The following PIK3R5 variants were observed in gnomAD, a reference collection of about 807,000 sequenced individuals.
The protein encoded by PIK3R5 is phosphoinositide-3-kinase regulatory subunit 5.
A neutral mutation model predicts 94.9 loss-of-function variants in PIK3R5; 32 were observed. The ratio of observed to expected loss-of-function variants is 0.34; its 90% CI spans 0.25 to 0.45. The LOEUF (loss-of-function observed/expected upper bound fraction) is 0.45, where lower values mean the gene tolerates loss of function less well. PIK3R5 is among the 20% of genes least tolerant of loss of function. The probability of loss-of-function intolerance (pLI) is 1.00; values close to 1 mark genes in which losing one functional copy is unlikely to be tolerated. For synonymous variants in PIK3R5, 443 were observed against 479.4 expected, an observed-to-expected ratio of 0.92 and a Z score of 0.99; for missense variants, 853 against 1,144.6, an observed-to-expected ratio of 0.75 and a Z score of 3.68.
intron 1 of PIK3R5, among the ~76,000 whole-genome samples, chr17:8,960,130 T>C (rs2091535346): frequency 1.3e-5 from 2 of 152,122 alleles, no homozygotes; most frequent in South Asian, 2.1e-4. Flanking sequence ...TTGCCAGTAG[T>C]GCTATCATCT....
At chr17:8,952,623 G>A (rs1350154550) in intron 1 of PIK3R5, among the ~76,000 whole-genome samples, 2 of 152,182 alleles carry the variant, frequency 1.3e-5, no homozygotes, top group Non-Finnish European at 2.9e-5. Flanking sequence ...AGTCGAGAGA[G>A]TAATATTTTT....
In PIK3R5 at chr17:8,888,161, C is replaced by T. The variant is rs1387464232; in HGVS notation, c.1616+10G>A. On this transcript the variant is annotated intron_variant, in intron 10 of 18. Coordinates refer to ENST00000447110, the MANE Select transcript of PIK3R5 (RefSeq NM_001142633.3). This position sits in a 1 kb window ranked among gnomAD's most constrained non-coding sequence, Gnocchi z 7.8. The stretch of plus-strand genomic sequence containing the variant: ...CAGGGCAGAGGGATGCTCCGCATTA[C>T]GGCTCTTACCGAAGGTTGCTGTACG... The T allele has an allele frequency of 5.0e-6, 8 of 1,612,688 alleles. No individual in the cohort carries two copies. Among genetic ancestry groups the T allele is most frequent in the East Asian group, 4.5e-5 (2 of 44,888 alleles).
intron 5 of PIK3R5, among the ~76,000 whole-genome samples, chr17:8,902,249 A>AT (rs397960477): frequency 0.33 from 25,536 of 77,270 alleles, 6,517 homozygotes; most frequent in African/African-American, 0.48. Flanking sequence ...TGATATATTA[A>AT]TTTTTTTTTT....
Position 8,929,302 on chromosome 17 carries a change from C to G in PIK3R5, c.-13-17795G>C, listed in dbSNP as rs192492834. On this transcript the variant is annotated intron_variant, in intron 1 of 18. Coordinates refer to ENST00000447110, the MANE Select transcript of PIK3R5 (RefSeq NM_001142633.3). ...AAAACATAACCCAACCATTTGCTGT[C>G]TACAAGAAACTCACTTTATATATAA... Among the ~76,000 whole-genome samples, 60 of 152,134 alleles carry G rather than the reference C, an allele frequency of 3.9e-4. 1 individual carries two copies. The highest frequency in any genetic ancestry group is 3.9e-3 in the Admixed American group (59 of 15,280).
Position 8,878,944 on chromosome 17 carries a change from A to G in PIK3R5, c.*1695T>C, listed in dbSNP as rs1219700803. 1 of 152,226 alleles carries G rather than the reference A, an allele frequency of 6.6e-6. No individual in the cohort carries two copies. Among genetic ancestry groups the G allele is most frequent in the African/African-American group, 2.4e-5 (1 of 41,444 alleles). The allele number at this position is 152,226 out of a possible 1,614,324, so 9.4% of individuals were successfully genotyped here. ...AGGACAAATCAAGTTTTATTTGACA[A>G]TAATATTAAATTCCACTCATTAGTT... On this transcript the variant is annotated 3_prime_UTR_variant, in exon 19 of 19. Transcript: ENST00000447110.
At chr17:8,897,600 G>A (rs531309939) in intron 5 of PIK3R5, among the ~76,000 whole-genome samples, 1 of 152,270 alleles carries the variant, frequency 6.6e-6, no homozygotes, top group East Asian at 1.9e-4. Flanking sequence ...AGTCATATGT[G>A]GCAGAGACTT....
chr17:8,947,224 G>T (rs1438361767), intron 1 of PIK3R5, among the ~76,000 whole-genome samples: 3 of 152,336 alleles, frequency 2.0e-5, no homozygotes, highest in East Asian at 3.9e-4. Context: ...TAGCTGATTA[G>T]GTTGGAGCCG....
In PIK3R5 at chr17:8,888,021, A is replaced by AATAATG. The variant is rs2089917485; in HGVS notation, c.1616+149_1616+150insCATTAT. 1 of 196,716 alleles carries AATAATG rather than the reference A, an allele frequency of 5.1e-6. No homozygotes were observed. The highest frequency in any genetic ancestry group is 3.2e-5 in the African/African-American group (1 of 31,330). The allele number at this position is 196,716 out of a possible 1,614,324, so 12.2% of individuals were successfully genotyped here. A position where few individuals can be genotyped will look rare whatever the true frequency, so the allele number is the denominator to read the frequency against. ...GTCTCAAAATAATAATAATAATAAT[A>AATAATG]ATAATAATAATAATAATAATAATAA... is the stretch of plus-strand genomic sequence containing the variant. On this transcript the variant is annotated intron_variant, in intron 10 of 18. Transcript: ENST00000447110. The surrounding 1 kb of genome is among the most constrained non-coding windows in gnomAD (Gnocchi z 7.8).
intron 11 of PIK3R5, 94 bp from the exon 12 acceptor site, chr17:8,887,315 G>C: frequency 6.6e-7 from 1 of 1,518,860 alleles, no homozygotes; most frequent in Non-Finnish European, 9.0e-7. Context: ...GCCCCATGCT[G>C]AGCTTCTCCC....
intron 1 of PIK3R5, among the ~76,000 whole-genome samples, chr17:8,929,325 TA>T (rs2090946891): frequency 6.6e-6 from 1 of 152,046 alleles, no homozygotes; most frequent in African/African-American, 2.4e-5. Context: ...ACTTTATATA[TA>T]AATATATAGA....
At chr17:8,927,236 G>A (rs2090899710) in intron 1 of PIK3R5, among the ~76,000 whole-genome samples, 1 of 152,210 alleles carries the variant, frequency 6.6e-6, no homozygotes, top group African/African-American at 2.4e-5. Context: ...AGGCAACTTA[G>A]CAAGACAGAC....
intron 1 of PIK3R5, among the ~76,000 whole-genome samples, chr17:8,957,726 G>A (rs1180266454): frequency 6.6e-6 from 1 of 152,184 alleles, no homozygotes; most frequent in Non-Finnish European, 1.5e-5. Context: ...TGGCTCTCGG[G>A]CATGAGCCTG....
Position 8,886,330 on chromosome 17 carries a change from G to C in PIK3R5, c.2035-8C>G. ...CCCAGTGATGAAGGTCAGCTGGAGA[G>C]GGCAGGAGCATGTACATCAGTGTGA... On this transcript the variant is annotated splice_polypyrimidine_tract_variant and splice_region_variant and intron_variant, in intron 13 of 18. Transcript: ENST00000447110. The C allele has an allele frequency of 6.2e-7, 1 of 1,611,286 alleles. No individual in the cohort carries two copies. The highest frequency in any genetic ancestry group is 8.5e-7 in the Non-Finnish European group (1 of 1,177,794).
chr17:8,924,374 C>A (rs979360131), intron 1 of PIK3R5, among the ~76,000 whole-genome samples: 1 of 151,904 alleles, frequency 6.6e-6, no homozygotes, highest in Non-Finnish European at 1.5e-5. Context: ...CCACCTGCAG[C>A]CTGACACAGG....
Position 8,880,580 on chromosome 17 carries a change from G to A in PIK3R5, c.*59C>T, listed in dbSNP as rs183334075. The A allele has an allele frequency of 1.2e-3, 1,768 of 1,496,548 alleles. 5 individuals are homozygous for A. The highest frequency in any genetic ancestry group is 1.4e-3 in the Non-Finnish European group (1,544 of 1,115,108). The allele number at this position is 1,496,548 out of a possible 1,614,324, so 92.7% of individuals were successfully genotyped here. On this transcript the variant is annotated 3_prime_UTR_variant, in exon 19 of 19. Transcript: ENST00000447110. Reference sequence around the variant, plus strand: ...GTTCTCCACAGAGAGGGACTGTCCTGGAGGGGTGGCCGAGGAGGTTGCCCC... The same window carrying A: ...GTTCTCCACAGAGAGGGACTGTCCTAGAGGGGTGGCCGAGGAGGTTGCCCC...
chr17:8,906,280 G>A (rs1010186081), intron 3 of PIK3R5, among the ~76,000 whole-genome samples: 9 of 152,142 alleles, frequency 5.9e-5, no homozygotes, highest in African/African-American at 1.7e-4. Context: ...CTGTGTCTGC[G>A]AAGCTATAAG....
rs1964827587 is a variant in PIK3R5 at position 8,887,690 on chromosome 17, A to G, written c.1617-7T>C. 4 of 1,585,108 alleles carry G rather than the reference A, an allele frequency of 2.5e-6. No homozygotes were observed. Among genetic ancestry groups the G allele is most frequent in the Non-Finnish European group, 3.4e-6 (4 of 1,165,332 alleles). Reference sequence around the variant, plus strand: ...GCGATTGTTCTCCAGCCGCCTGGCAAGAAGAAGATGGTGAGAAGGGGAATG... The same window carrying G: ...GCGATTGTTCTCCAGCCGCCTGGCAGGAAGAAGATGGTGAGAAGGGGAATG... On this transcript the variant is annotated splice_region_variant and splice_polypyrimidine_tract_variant and intron_variant, in intron 10 of 18. Transcript: ENST00000447110.
At chr17:8,964,905 C>CTT (rs1175164117) in intron 1 of PIK3R5, among the ~76,000 whole-genome samples, 1 of 152,210 alleles carries the variant, frequency 6.6e-6, no homozygotes, top group Non-Finnish European at 1.5e-5. Flanking sequence ...CCTCGCCTTC[C>CTT]TTTTCCTTCT....
At chr17:8,930,950 T>G (rs1429451139) in intron 1 of PIK3R5, among the ~76,000 whole-genome samples, 2 of 152,214 alleles carry the variant, frequency 1.3e-5, no homozygotes, top group Admixed American at 1.3e-4. Context: ...ATATTCTATA[T>G]CTTGACTGTA....
Sources: gnomAD v4.1 joint callset for allele counts (sites outside exome capture counted in the v4.1 genomes callset) on GRCh38, gnomAD v4.1.1 for gene constraint, Gnocchi (gnomAD v3.1) non-coding constraint, MANE v1.5 for transcripts, NCBI Gene and HGNC (gene_info 2026-07-23, HGNC 2026-07-21) for gene names.